Variants in GNA14 observed in about 807,000 individuals in gnomAD.
GNA14 encodes guanine nucleotide-binding protein subunit alpha-14.
In GNA14, 50 loss-of-function variants were observed where a neutral mutation model predicts 42.0. That is an observed-to-expected ratio of 1.19 (90% CI 0.95 to 1.51). GNA14 has a LOEUF of 1.51. GNA14 is among the 40% of genes most tolerant of loss of function. The pLI is 0.00. For missense variants in GNA14, 473 were observed against 446.2 expected, an observed-to-expected ratio of 1.06 and a Z score of -0.54; for synonymous variants, 173 against 163.1, an observed-to-expected ratio of 1.06 and a Z score of -0.46.
In GNA14 at chr9:77,425,711, C is replaced by T. The variant is rs532679687; in HGVS notation, c.728G>A (p.Arg243His). ...QVLAECDNENRMEESKALFKT... is the reference protein window; with the variant it reads ...QVLAECDNENHMEESKALFKT... ...AAATAAGGCTTTGCTCTCTTCCATG[C>T]GATTCTAAGTGAAAAACAAGGGACT... Residue 243 changes from arginine (R) to histidine (H), a missense_variant, in exon 6 of 7, where the codon CGC becomes CAC. By Grantham distance (29) the Arg-to-His change is conservative (BLOSUM62 0). Coordinates refer to ENST00000341700, the MANE Select transcript of GNA14 (RefSeq NM_004297.4). 1.9e-5 allele frequency: 31 copies of T among 1,591,552 alleles called. No homozygotes were observed. The highest frequency in any genetic ancestry group is 1.7e-4 in the Middle Eastern group (1 of 5,928).
intron 2 of GNA14, among the ~76,000 whole-genome samples, chr9:77,442,664 T>C (rs990044828): frequency 1.3e-5 from 2 of 152,192 alleles, no homozygotes; most frequent in Non-Finnish European, 2.9e-5. Flanking sequence ...GCAACTCAGC[T>C]TGGAATCATG....
chr9:77,518,021 G>A (rs943296627), intron 2 of GNA14: 12 of 152,192 alleles, frequency 7.9e-5, no homozygotes, highest in African/African-American at 2.9e-4. Flanking sequence ...TTATTAACTA[G>A]GAAGCCCAAT....
intron 2 of GNA14, among the ~76,000 whole-genome samples, chr9:77,485,745 G>A (rs146984398): frequency 1.7e-3 from 259 of 152,190 alleles, no homozygotes; most frequent in African/African-American, 3.9e-3. Flanking sequence ...CCATCAGAGC[G>A]CTTAGGTGAC....
At chr9:77,538,547 T>C (rs1243543054) in intron 1 of GNA14, among the ~76,000 whole-genome samples, 1 of 152,236 alleles carries the variant, frequency 6.6e-6, no homozygotes, top group African/African-American at 2.4e-5. Flanking sequence ...ATTATGTTAA[T>C]TCTTCCAATC....
intron 1 of GNA14, among the ~76,000 whole-genome samples, chr9:77,564,834 T>TA (rs11396564): frequency 0.67 from 98,034 of 147,340 alleles, 32,341 homozygotes; most frequent in Admixed American, 0.73. Context: ...ATCTGTCTAT[T>TA]AAAAAAAAAA....
intron 1 of GNA14, among the ~76,000 whole-genome samples, chr9:77,543,357 T>G (rs1195901665): frequency 6.6e-6 from 1 of 152,184 alleles, no homozygotes; most frequent in Admixed American, 6.5e-5. Context: ...GGATTTGTCC[T>G]CAAGATGTGT....
At position 77,612,067 on chromosome 9, in the gene GNA14, G is replaced by C. The variant is rs530543740; in HGVS notation, c.124+35603C>G. Among the ~76,000 whole-genome samples the C allele has an allele frequency of 1.4e-4, 21 of 152,138 alleles. No individual in the cohort carries two copies. In the South Asian group the frequency reaches 4.4e-3, roughly 32 times the overall value. The stretch of plus-strand genomic sequence containing the variant: ...TTGATAAAATAGTTATTATTGAGTG[G>C]TTATAATATACTAGAAACTAGGCTA... On this transcript the variant is annotated intron_variant, in intron 1 of 6. Transcript: ENST00000341700.
At chr9:77,484,347 C>T (rs1836618163) in intron 2 of GNA14, among the ~76,000 whole-genome samples, 1 of 152,078 alleles carries the variant, frequency 6.6e-6, no homozygotes, top group Non-Finnish European at 1.5e-5. Flanking sequence ...AAACAACCTT[C>T]TTGGAAAAAA....
intron 1 of GNA14, among the ~76,000 whole-genome samples, chr9:77,569,684 G>T (rs553713486): frequency 3.3e-5 from 5 of 152,188 alleles, no homozygotes; most frequent in South Asian, 2.1e-4. Flanking sequence ...TATTTCAGGG[G>T]CTGTGTCTGC....
chr9:77,564,670 T>C (rs1049994114), intron 1 of GNA14, among the ~76,000 whole-genome samples: 1 of 151,748 alleles, frequency 6.6e-6, no homozygotes, highest in African/African-American at 2.4e-5. Context: ...CTGTCTCTAC[T>C]AAAAATACAA....
intron 2 of GNA14, among the ~76,000 whole-genome samples, chr9:77,449,555 A>T (rs1487604156): frequency 1.3e-5 from 2 of 152,156 alleles, no homozygotes; most frequent in African/African-American, 4.8e-5. Context: ...GTTTCTAGAG[A>T]GCCTGAAATC....
In GNA14 at chr9:77,467,000, G is replaced by GGTGTGTGTGTGTGTGTGT. The variant is rs59321037; in HGVS notation, c.310-32496_310-32479dup. Among the ~76,000 whole-genome samples the GGTGTGTGTGTGTGTGTGT allele has an allele frequency of 3.5e-4, 50 of 143,614 alleles. 1 individual carries two copies. Among genetic ancestry groups the GGTGTGTGTGTGTGTGTGT allele is most frequent in the Middle Eastern group, 3.4e-3 (1 of 290 alleles). 94.2% of individuals were successfully genotyped at this position (143,614 alleles called of 152,430 possible). On this transcript the variant is annotated intron_variant, in intron 2 of 6. Coordinates refer to ENST00000341700, the MANE Select transcript of GNA14 (RefSeq NM_004297.4). ...AGGGTTTTTTTGCCTTTTACCACTC[G>GGTGTGTGTGTGTGTGTGT]GTGTGTGTGTGTGTGTGTGTGTGTG... is the stretch of plus-strand genomic sequence containing the variant.
intron 1 of GNA14, among the ~76,000 whole-genome samples, chr9:77,554,115 C>T (rs774314321): frequency 6.6e-5 from 10 of 152,184 alleles, no homozygotes; most frequent in Non-Finnish European, 1.2e-4. Flanking sequence ...TCACCATGAA[C>T]AGGCTCTCAA....
chr9:77,589,688 C>A (rs933318694), intron 1 of GNA14, among the ~76,000 whole-genome samples: 16 of 152,076 alleles, frequency 1.1e-4, no homozygotes, highest in African/African-American at 3.6e-4. Flanking sequence ...CCGCAGGTTG[C>A]CTAAAGCAAC....
At chr9:77,483,810 C>T (rs141604349) in intron 2 of GNA14, among the ~76,000 whole-genome samples, 5 of 151,878 alleles carry the variant, frequency 3.3e-5, no homozygotes, top group Non-Finnish European at 5.9e-5. Context: ...CCTCAATAAC[C>T]GTAGGGATAA....
rs114671960 is a variant in GNA14 at position 77,548,902 on chromosome 9, T to C, written c.125-19649A>G. 4.5e-3 allele frequency among the ~76,000 whole-genome samples: 687 copies of C among 152,316 alleles called. 7 individuals carry two copies. Among genetic ancestry groups the C allele is most frequent in the African/African-American group, 0.016 (648 of 41,580 alleles). On this transcript the variant is annotated intron_variant, in intron 1 of 6. Coordinates refer to ENST00000341700, the MANE Select transcript of GNA14 (RefSeq NM_004297.4). The stretch of plus-strand genomic sequence containing the variant: ...CCCATTTAATATGGTAAGTACGTGG[T>C]TCAACTCTTTACTATTTAATGAGAA...
intron 1 of GNA14, among the ~76,000 whole-genome samples, chr9:77,611,612 G>C (rs893071929): frequency 6.6e-6 from 1 of 152,212 alleles, no homozygotes; most frequent in Non-Finnish European, 1.5e-5. Flanking sequence ...GTGGAAAGCA[G>C]AGAGTTCAGA....
chr9:77,624,877 AG>A (rs1311019530), intron 1 of GNA14, among the ~76,000 whole-genome samples: 1 of 152,130 alleles, frequency 6.6e-6, no homozygotes, highest in Non-Finnish European at 1.5e-5. Flanking sequence ...CTTGCCAGCA[AG>A]GGAACAAAAT....
At chr9:77,555,639 T>C (rs1822761923) in intron 1 of GNA14, among the ~76,000 whole-genome samples, 2 of 152,220 alleles carry the variant, frequency 1.3e-5, no homozygotes, top group African/African-American at 4.8e-5. Flanking sequence ...TCAACTTTCC[T>C]GCAGGTTTAA....
Sources: allele counts gnomAD v4.1 joint callset (sites outside exome capture counted in the v4.1 genomes callset), GRCh38; gene constraint gnomAD v4.1.1; transcripts MANE v1.5; gene names NCBI Gene and HGNC (gene_info 2026-07-23, HGNC 2026-07-21).